The following DGKB variants were observed in gnomAD, a reference collection of about 807,000 sequenced individuals.
DGKB encodes diacylglycerol kinase beta, also known as 90 kDa diacylglycerol kinase.
In DGKB, 67 loss-of-function variants were observed where a neutral mutation model predicts 114.3. The observed-to-expected ratio is 0.59, with a 90% CI of 0.48 to 0.72. The LOEUF is 0.72. Among genes scored for constraint, DGKB ranks in the 30% least tolerant of loss-of-function variants. The probability of loss-of-function intolerance (pLI) is 0.00; values close to 1 mark genes in which losing one functional copy is unlikely to be tolerated. For missense variants in DGKB, 907 were observed against 975.2 expected (o/e 0.93, Z 0.93); for synonymous variants, 398 against 323.1 (o/e 1.23, Z -2.49).
At chr7:14,647,333 GA>G (rs1813249075) in intron 13 of DGKB, among the ~76,000 whole-genome samples, 1 of 151,838 alleles carries the variant, frequency 6.6e-6, no homozygotes, top group Non-Finnish European at 1.5e-5. Flanking sequence ...CTCCCAAAAA[GA>G]AAACAACAAC....
chr7:14,404,631 A>G (rs1416472520), intron 21 of DGKB, among the ~76,000 whole-genome samples: 3 of 151,986 alleles, frequency 2.0e-5, no homozygotes, highest in African/African-American at 7.2e-5. Flanking sequence ...TTGAAACAAA[A>G]CTTCCCAAGG....
intron 17 of DGKB, 73 bp downstream of exon 17, chr7:14,607,361 C>G (rs17168299): frequency 0.35 from 269,737 of 770,218 alleles, 50,697 homozygotes; most frequent in East Asian, 0.69. Context: ...ATTATTTCTA[C>G]ATATGTCAGG....
At chr7:14,550,055 A>G (rs949054587) in intron 20 of DGKB, among the ~76,000 whole-genome samples, 3 of 152,028 alleles carry the variant, frequency 2.0e-5, no homozygotes, top group Non-Finnish European at 4.4e-5. Flanking sequence ...ATTTATTAAT[A>G]AAACTAAAAC....
At chr7:14,669,671 C>A (rs772515322) in intron 13 of DGKB, among the ~76,000 whole-genome samples, 10 of 152,048 alleles carry the variant, frequency 6.6e-5, no homozygotes, top group Non-Finnish European at 1.5e-4. Flanking sequence ...TATTGTTAAA[C>A]AAAAATTATC....
chr7:14,399,635 T>C (rs1488541855), intron 21 of DGKB, among the ~76,000 whole-genome samples: 5 of 151,810 alleles, frequency 3.3e-5, no homozygotes, highest in Non-Finnish European at 7.4e-5. Flanking sequence ...AAAAAGCAAG[T>C]TTTGATTTTA....
At chr7:14,351,715 A>C (rs1221880098) in intron 21 of DGKB, among the ~76,000 whole-genome samples, 2 of 152,202 alleles carry the variant, frequency 1.3e-5, no homozygotes, top group South Asian at 2.1e-4. Flanking sequence ...TATGGTATCA[A>C]ATTTAAGTGT....
At chr7:14,838,889 T>A (rs757174058) in intron 2 of DGKB, among the ~76,000 whole-genome samples, 6 of 152,202 alleles carry the variant, frequency 3.9e-5, no homozygotes, top group East Asian at 1.9e-4. Context: ...ATGGGCTAAA[T>A]GTGCCTCACC....
At chr7:14,775,995 G>C (rs905024195) in intron 2 of DGKB, among the ~76,000 whole-genome samples, 1 of 152,054 alleles carries the variant, frequency 6.6e-6, no homozygotes, top group Non-Finnish European at 1.5e-5. Flanking sequence ...TTGTGGAATG[G>C]CTTTGACCAA....
intron 22 of DGKB, among the ~76,000 whole-genome samples, chr7:14,339,963 A>C (rs772038110): frequency 1.3e-5 from 2 of 151,814 alleles, no homozygotes; most frequent in Non-Finnish European, 2.9e-5. Flanking sequence ...CAAAACAAAA[A>C]AAAGCCCTCT....
At chr7:14,238,056 C>T (rs906805142) in intron 23 of DGKB, among the ~76,000 whole-genome samples, 6 of 151,930 alleles carry the variant, frequency 3.9e-5, no homozygotes, top group Non-Finnish European at 7.4e-5. Flanking sequence ...AAATATCTCT[C>T]GGGTTGGTGA....
chr7:14,737,083 G>A (rs1831830741), intron 4 of DGKB, among the ~76,000 whole-genome samples: 1 of 152,120 alleles, frequency 6.6e-6, no homozygotes, highest in Admixed American at 6.5e-5. Flanking sequence ...TGGACTGCAG[G>A]AACAATGGTG....
chr7:14,364,049 C>T (rs1186411926), intron 21 of DGKB, among the ~76,000 whole-genome samples: 1 of 151,906 alleles, frequency 6.6e-6, no homozygotes, highest in Non-Finnish European at 1.5e-5. Context: ...TACTGTGTGG[C>T]CACCGACTTT....
chr7:14,447,705 G>C (rs1293341256), intron 21 of DGKB, among the ~76,000 whole-genome samples: 1 of 152,048 alleles, frequency 6.6e-6, no homozygotes, highest in Admixed American at 6.6e-5. Flanking sequence ...AACACTTCTA[G>C]ATACCAAAAT....
intron 2 of DGKB, among the ~76,000 whole-genome samples, chr7:14,779,685 T>G (rs1240994128): frequency 2.0e-5 from 3 of 152,236 alleles, no homozygotes; most frequent in Non-Finnish European, 4.4e-5. Flanking sequence ...CATCTGTTTC[T>G]TGTCACAATA....
chr7:14,566,418 G>A (rs1414758285), intron 20 of DGKB, among the ~76,000 whole-genome samples: 1 of 152,052 alleles, frequency 6.6e-6, no homozygotes, highest in Non-Finnish European at 1.5e-5. Context: ...GGGTTTATGA[G>A]GGAAGATGGC....
At chr7:14,971,026 T>G (rs1001333945) in intron 1 of DGKB, among the ~76,000 whole-genome samples, 2 of 152,182 alleles carry the variant, frequency 1.3e-5, no homozygotes, top group African/African-American at 4.8e-5. Flanking sequence ...TTTACTTTCA[T>G]TTTCCCAAGG....
At chr7:14,861,181 G>GT (rs1305481603) in intron 1 of DGKB, among the ~76,000 whole-genome samples, 1 of 151,860 alleles carries the variant, frequency 6.6e-6, no homozygotes, top group Non-Finnish European at 1.5e-5. Flanking sequence ...AATTCATACT[G>GT]TTTGAGTATT....
At chr7:14,916,726 C>T (rs191997597) in intron 1 of DGKB, among the ~76,000 whole-genome samples, 1 of 152,168 alleles carries the variant, frequency 6.6e-6, no homozygotes, top group East Asian at 1.9e-4. Flanking sequence ...CAGCTATTGA[C>T]AGCTCCAACA....
chr7:14,308,575 G>A lies in DGKB; in HGVS notation c.2122+29940C>T, dbSNP rs114249389. ...TTATCTTCTTTAATATTATATGAGTGAATGGGGATATGCAATTAGTTACAA... is the reference window on the plus strand; with the variant it reads ...TTATCTTCTTTAATATTATATGAGTAAATGGGGATATGCAATTAGTTACAA... On this transcript the variant is annotated intron_variant, in intron 23 of 25. Transcript: ENST00000402815. Among the ~76,000 whole-genome samples, 163 of 152,294 alleles carry A rather than the reference G, an allele frequency of 1.1e-3. 1 individual carries two copies. Among genetic ancestry groups the A allele is most frequent in the Middle Eastern group, 6.8e-3 (2 of 294 alleles).
Sources: allele counts gnomAD v4.1 joint callset (sites outside exome capture counted in the v4.1 genomes callset), GRCh38; gene constraint gnomAD v4.1.1; transcripts MANE v1.5; gene names NCBI Gene and HGNC (gene_info 2026-07-23, HGNC 2026-07-21).